AK9: variants seen among roughly 807,000 people sequenced by gnomAD.
The protein encoded by AK9 is adenylate kinase 9, also known as adenylate kinase domain containing 1.
Under a neutral mutation model 239.6 loss-of-function variants are expected in AK9, and 191 were observed. The ratio of observed to expected loss-of-function variants is 0.80; its 90% CI spans 0.71 to 0.90. AK9 has a LOEUF of 0.90. Ranked by LOEUF, AK9 falls within the 40% of genes least tolerant of loss-of-function variation. The pLI is 0.00. For missense variants in AK9, 1,995 were observed against 2,214.7 expected (o/e 0.90, Z 1.99); for synonymous variants, 689 against 721.0 (o/e 0.96, Z 0.71).
intron 1 of AK9, 52 bp downstream of exon 1, chr6:109,691,095 C>G (rs188524156): frequency 2.3e-6 from 1 of 428,190 alleles, no homozygotes; most frequent in East Asian, 4.2e-5. Context: ...GATAAATAGA[C>G]TCAATTAATC....
intron 17 of AK9, among the ~76,000 whole-genome samples, chr6:109,598,966 G>C (rs199556160): frequency 0.3 from 44,895 of 151,886 alleles, 7,059 homozygotes; most frequent in Middle Eastern, 0.4. Flanking sequence ...TGTAGATTCT[G>C]GATATTAGCC....
chr6:109,565,802 TAC>T (rs906619141), intron 21 of AK9, among the ~76,000 whole-genome samples: 69 of 152,224 alleles, frequency 4.5e-4, no homozygotes, highest in Middle Eastern at 3.4e-3. Context: ...CGTATGTATA[TAC>T]ACACACACAT....
At chr6:109,674,383 TA>T (rs1043116926) in intron 2 of AK9, 122 bp from the exon 3 acceptor site, 5 of 689,602 alleles carry the variant, frequency 7.3e-6, no homozygotes, top group Admixed American at 3.7e-5. Context: ...ATTTTTCCCA[TA>T]AAAAATGAAG....
chr6:109,651,087 G>T (rs1329202308), intron 8 of AK9, among the ~76,000 whole-genome samples: 1 of 152,088 alleles, frequency 6.6e-6, no homozygotes, highest in Admixed American at 6.6e-5. Flanking sequence ...GTTGTGGGGT[G>T]GGGGTAGTGG....
At chr6:109,544,816 A>G (rs1783325121) in intron 26 of AK9, among the ~76,000 whole-genome samples, 1 of 152,204 alleles carries the variant, frequency 6.6e-6, no homozygotes, top group Non-Finnish European at 1.5e-5. Context: ...ATCTCCACTA[A>G]GGCTGGGGCA....
chr6:109,497,216 A>T (rs561455863), intron 38 of AK9, among the ~76,000 whole-genome samples: 1 of 151,878 alleles, frequency 6.6e-6, no homozygotes, highest in Non-Finnish European at 1.5e-5. Flanking sequence ...ACACTCTCTC[A>T]GAAGTCCAGG....
intron 21 of AK9, among the ~76,000 whole-genome samples, chr6:109,569,869 G>A (rs972652393): frequency 2.1e-4 from 32 of 152,054 alleles, no homozygotes; most frequent in Middle Eastern, 3.2e-3. Flanking sequence ...GAAGACAATG[G>A]GGCGATTCCT....
At chr6:109,610,893 T>C (rs1408420484) in intron 16 of AK9, among the ~76,000 whole-genome samples, 2 of 152,048 alleles carry the variant, frequency 1.3e-5, no homozygotes, top group Non-Finnish European at 2.9e-5. Context: ...GTTACTAGCA[T>C]GAGACTACAA....
At chr6:109,577,079 C>A (rs1237208359) in intron 20 of AK9, among the ~76,000 whole-genome samples, 6 of 152,130 alleles carry the variant, frequency 3.9e-5, no homozygotes, top group Non-Finnish European at 8.8e-5. Flanking sequence ...ATCGGCCCAC[C>A]TCGGCCTCCC....
intron 21 of AK9, among the ~76,000 whole-genome samples, chr6:109,569,491 C>T (rs959659703): frequency 1.3e-5 from 2 of 152,164 alleles, no homozygotes; most frequent in African/African-American, 4.8e-5. Context: ...AGTGAACAGG[C>T]AACCTACAGA....
chr6:109,690,220 G>T (rs1170370187), intron 1 of AK9, among the ~76,000 whole-genome samples: 1 of 152,138 alleles, frequency 6.6e-6, no homozygotes, highest in Non-Finnish European at 1.5e-5. Context: ...TAGAATTGCC[G>T]CCTAAGATAG....
intron 21 of AK9, among the ~76,000 whole-genome samples, chr6:109,566,259 G>T: frequency 6.6e-6 from 1 of 152,136 alleles, no homozygotes; most frequent in South Asian, 2.1e-4. Context: ...AGGGTAGGGG[G>T]ACAGAGTTCT....
intron 25 of AK9, among the ~76,000 whole-genome samples, chr6:109,549,501 C>T (rs2128161374): frequency 6.6e-6 from 1 of 152,188 alleles, no homozygotes; most frequent in South Asian, 2.1e-4. Flanking sequence ...GGAATTAATC[C>T]ATCTGTGGGG....
chr6:109,586,136 A>G, intron 17 of AK9, 64 bp from the exon 18 acceptor site: 1 of 1,294,786 alleles, frequency 7.7e-7, no homozygotes, highest in Non-Finnish European at 1.0e-6. Flanking sequence ...CAACCTTGAT[A>G]TGTAATTTTT....
chr6:109,632,834 A>G, intron 12 of AK9, 89 bp downstream of exon 12: 2 of 1,402,696 alleles, frequency 1.4e-6, no homozygotes, highest in South Asian at 1.6e-5. Flanking sequence ...TACAAATTAT[A>G]ATCGAGTATA....
intron 26 of AK9, among the ~76,000 whole-genome samples, chr6:109,542,708 T>C (rs536612147): frequency 3.3e-5 from 5 of 152,334 alleles, no homozygotes; most frequent in East Asian, 1.9e-4. Flanking sequence ...GTGTTGCTTA[T>C]AAACATTTAA....
Position 109,585,158 on chromosome 6 carries a change from T to C in AK9, c.2079A>G (p.Glu693=), listed in dbSNP as rs2128211805. The C allele has an allele frequency of 8.9e-7, 1 of 1,125,718 alleles. No homozygotes were observed. Among genetic ancestry groups the C allele is most frequent in the Non-Finnish European group, 1.2e-6 (1 of 869,048 alleles). The allele number at this position is 1,125,718 out of a possible 1,614,324, so 69.7% of individuals were successfully genotyped here. A position where few individuals can be genotyped will look rare whatever the true frequency, so the allele number is the denominator to read the frequency against. ...DSKILERLLE[E]LQKKKKEEEE... ...CTTCTTCTTTTTTTTTCTTTTGTAG[T>C]TCTTCTAATAATCTTTCTAAAATCT... is the stretch of plus-strand genomic sequence containing the variant. Residue 693 remains glutamate (E), a synonymous_variant, in exon 19 of 41, where the codon GAA becomes GAG. Transcript: ENST00000424296.
chr6:109,577,892 C>CTCTT (rs75924671), intron 20 of AK9, among the ~76,000 whole-genome samples: 6,692 of 79,546 alleles, frequency 0.084, 258 homozygotes, highest in Admixed American at 0.21. Flanking sequence ...CTTTCCTTCT[C>CTCTT]TCTCTCTTTC....
At chr6:109,668,155 T>A (rs1801516029) in intron 5 of AK9, among the ~76,000 whole-genome samples, 1 of 152,248 alleles carries the variant, frequency 6.6e-6, no homozygotes, top group African/African-American at 2.4e-5. Context: ...CGGCCAGTGA[T>A]GATGAGCATT....
Sources: gnomAD v4.1 joint callset for allele counts (sites outside exome capture counted in the v4.1 genomes callset) on GRCh38, gnomAD v4.1.1 for gene constraint, MANE v1.5 for transcripts, NCBI Gene and HGNC (gene_info 2026-07-23, HGNC 2026-07-21) for gene names.